EPCAM: variants seen among roughly 807,000 people sequenced by gnomAD.
EPCAM encodes adenocarcinoma-associated antigen.
EPCAM carries 39 observed loss-of-function variants against 40.0 expected under a neutral mutation model. That is an observed-to-expected ratio of 0.98 (90% CI 0.76 to 1.27). The LOEUF is 1.27. Ranked by LOEUF, EPCAM falls within the 50% of genes most tolerant of loss-of-function variation. EPCAM has a pLI of 0.00. For missense variants in EPCAM, 503 were observed against 381.2 expected (o/e 1.32, Z -2.66); for synonymous variants, 168 against 132.3 (o/e 1.27, Z -1.85).
Position 47,373,815 on chromosome 2 carries a change from C to T in EPCAM, c.192C>T (p.Ala64=). 1 of 1,613,882 alleles carries T rather than the reference C, an allele frequency of 6.2e-7. No homozygotes were observed. The highest frequency in any genetic ancestry group is 1.1e-5 in the South Asian group (1 of 91,076). Residue 64 remains alanine, a synonymous_variant, in exon 3 of 9, where the codon GCC becomes GCT. Transcript: ENST00000263735. The part of the protein sequence containing the change: ...QNTVICSKLA[A]KCLVMKAEMN... ...TTAAGGTTTCTTTTTCAGTGGCTGC[C>T]AAATGTTTGGTGATGAAGGCAGAAA...
Position 47,379,657 on chromosome 2 carries a change from C to T in EPCAM, c.658-112C>T, listed in dbSNP as rs182423282. The T allele has an allele frequency of 3.9e-5, 48 of 1,231,694 alleles. No individual in the cohort carries two copies. In the East Asian group the frequency reaches 1.0e-3, roughly 27 times the overall value. 76.3% of individuals were successfully genotyped at this position (1,231,694 alleles called of 1,614,324 possible). A position where few individuals can be genotyped will look rare whatever the true frequency, so the allele number is the denominator to read the frequency against. On this transcript the variant is annotated intron_variant, in intron 6 of 8. Coordinates refer to ENST00000263735, the MANE Select transcript of EPCAM (RefSeq NM_002354.3). The stretch of plus-strand genomic sequence containing the variant: ...ATAAATTAGATTGTTATCACTAAAA[C>T]CATAAAGATTCTTGGCAGCGGTTCT...
chr2:47,377,476 A>G (rs1216360634), intron 5 of EPCAM, among the ~76,000 whole-genome samples: 1 of 151,878 alleles, frequency 6.6e-6, no homozygotes, highest in Non-Finnish European at 1.5e-5. Context: ...GCCTCAAGTG[A>G]TCTGTCTGCC....
chr2:47,382,172 G>A (rs1338007851), intron 7 of EPCAM, among the ~76,000 whole-genome samples: 2 of 151,876 alleles, frequency 1.3e-5, no homozygotes, highest in African/African-American at 4.8e-5. Context: ...GGCGCATAAA[G>A]CAAAAATGGA....
intron 1 of EPCAM, among the ~76,000 whole-genome samples, chr2:47,371,508 A>C (rs1404915935): frequency 6.6e-6 from 1 of 152,250 alleles, no homozygotes; most frequent in Admixed American, 6.5e-5. Flanking sequence ...CACTTTCACC[A>C]ATGGAGTGGC....
rs528990991 is a variant in EPCAM at position 47,381,320 on chromosome 2, C to G, written c.858+1351C>G. Among the ~76,000 whole-genome samples the G allele has an allele frequency of 1.5e-3, 215 of 143,514 alleles. No individual in the cohort carries two copies. In the Middle Eastern group the frequency reaches 0.046, roughly 31 times the overall value. 94.2% of individuals were successfully genotyped at this position (143,514 alleles called of 152,430 possible). On this transcript the variant is annotated intron_variant, in intron 7 of 8. Coordinates refer to ENST00000263735, the MANE Select transcript of EPCAM (RefSeq NM_002354.3). ...CTGAGGCAGGAGAATCACTTGAACC[C>G]AGGAGGTGGAGGTTGCAGCTGAGAT...
chr2:47,385,740 T>C (rs1671729778), intron 8 of EPCAM, among the ~76,000 whole-genome samples: 1 of 152,226 alleles, frequency 6.6e-6, no homozygotes, highest in Admixed American at 6.6e-5. Flanking sequence ...TTTTTGTGTG[T>C]CTTTGTAGTT....
At chr2:47,377,216 A>G in intron 5 of EPCAM, 139 bp downstream of exon 5, 1 of 717,282 alleles carries the variant, frequency 1.4e-6, no homozygotes, top group Non-Finnish European at 2.5e-6. Context: ...CTTAATGTGA[A>G]TTTCCTGTTA....
At chr2:47,380,582 A>G (rs1232584580) in intron 7 of EPCAM, among the ~76,000 whole-genome samples, 1 of 152,176 alleles carries the variant, frequency 6.6e-6, no homozygotes, top group Non-Finnish European at 1.5e-5. Flanking sequence ...CCTAGTGCAA[A>G]ATACCTGAAC....
At chr2:47,371,561 C>G (rs1335552479) in intron 1 of EPCAM, among the ~76,000 whole-genome samples, 3 of 152,172 alleles carry the variant, frequency 2.0e-5, no homozygotes, top group East Asian at 3.8e-4. Flanking sequence ...CAGTTTTAGT[C>G]AACTCATGTT....
chr2:47,376,973 A>G (rs1361640887), intron 4 of EPCAM, 41 bp from the exon 5 acceptor site: 1 of 1,354,944 alleles, frequency 7.4e-7, no homozygotes, highest in Admixed American at 1.7e-5. Context: ...GTTGTGTGGT[A>G]CAAACATTTT....
chr2:47,374,649 C>CTT (rs951082789), intron 3 of EPCAM, among the ~76,000 whole-genome samples: 3 of 150,298 alleles, frequency 2.0e-5, no homozygotes, highest in Non-Finnish European at 4.4e-5. Flanking sequence ...CTTTTCTTTT[C>CTT]TTTTTTTTTC....
intron 1 of EPCAM, among the ~76,000 whole-genome samples, chr2:47,371,923 GC>G (rs1012282631): frequency 6.6e-6 from 1 of 152,152 alleles, no homozygotes; most frequent in African/African-American, 2.4e-5. Flanking sequence ...TGTCATGCTA[GC>G]TTTTTCTTTT....
chr2:47,384,295 G>T (rs1671677204), intron 7 of EPCAM, among the ~76,000 whole-genome samples: 1 of 151,890 alleles, frequency 6.6e-6, no homozygotes, highest in South Asian at 2.1e-4. Context: ...GTAGAGATGA[G>T]GTTTCACAAT....
At position 47,379,911 on chromosome 2, in the gene EPCAM, G is replaced by A. The variant is rs763475158; in HGVS notation, c.800G>A (p.Gly267Asp). Residue 267 changes from glycine to aspartate, a missense_variant, in exon 7 of 9, where the codon GGT becomes GAT. By Grantham distance (94) the Gly-to-Asp change is moderately conservative. Coordinates refer to ENST00000263735, the MANE Select transcript of EPCAM (RefSeq NM_002354.3). The part of the protein sequence containing the change: ...PEFSMQGLKA[G>D]VIAVIVVVVI... Reference sequence around the variant, plus strand: ...TTCTCAATGCAGGGTCTAAAAGCTGGTGTTATTGCTGTTATTGTGGTTGTG... The same window carrying A: ...TTCTCAATGCAGGGTCTAAAAGCTGATGTTATTGCTGTTATTGTGGTTGTG... The A allele has an allele frequency of 3.1e-6, 5 of 1,614,112 alleles. No individual in the cohort carries two copies. The highest frequency in any genetic ancestry group is 4.2e-6 in the Non-Finnish European group (5 of 1,180,026).
chr2:47,380,031 G>A (rs2103759743), intron 7 of EPCAM, 62 bp downstream of exon 7: 1 of 1,552,050 alleles, frequency 6.4e-7, no homozygotes, highest in Non-Finnish European at 8.7e-7. Flanking sequence ...AAGTAATAGT[G>A]GCTGGGCGCG....
Position 47,369,328 on chromosome 2 carries a change from C to T in EPCAM, c.-178C>T, listed in dbSNP as rs1051432084. On this transcript the variant is annotated 5_prime_UTR_variant, in exon 1 of 9. Coordinates refer to ENST00000263735, the MANE Select transcript of EPCAM (RefSeq NM_002354.3). ...CCGCGCGCACAGAGCGCTAGTCCTTCGGCGAGCGAGCACCTTCGACGCGGT... is the reference window on the plus strand; with the variant it reads ...CCGCGCGCACAGAGCGCTAGTCCTTTGGCGAGCGAGCACCTTCGACGCGGT... The T allele has an allele frequency of 3.8e-6, 5 of 1,327,042 alleles. No individual in the cohort carries two copies. Among genetic ancestry groups the T allele is most frequent in the Non-Finnish European group, 4.9e-6 (5 of 1,018,186 alleles). 82.2% of individuals were successfully genotyped at this position (1,327,042 alleles called of 1,614,324 possible). A position where few individuals can be genotyped will look rare whatever the true frequency, so the allele number is the denominator to read the frequency against.
At chr2:47,376,580 A>T (rs1343573875) in intron 4 of EPCAM, among the ~76,000 whole-genome samples, 1 of 152,178 alleles carries the variant, frequency 6.6e-6, no homozygotes, top group Non-Finnish European at 1.5e-5. Context: ...CCTCTTAACT[A>T]AAAGCAGGTT....
Position 47,378,807 on chromosome 2 carries a change from T to A in EPCAM, c.556-146T>A, listed in dbSNP as rs1671497055. On this transcript the variant is annotated intron_variant, in intron 5 of 8. Transcript: ENST00000263735. ...AAAGATTTCTTGATTAGTGATAAAC[T>A]TAGTTATCCACTAATGGAAAGGAAC... is the stretch of plus-strand genomic sequence containing the variant. 8.4e-6 allele frequency: 5 copies of A among 593,494 alleles called. No individual in the cohort carries two copies. The Admixed American group carries it at 1.4e-4, about 17-fold the overall frequency. The allele number at this position is 593,494 out of a possible 1,614,324, so 36.8% of individuals were successfully genotyped here.
At position 47,369,483 on chromosome 2, in the gene EPCAM, CCT is replaced by C. The variant is rs779020022; in HGVS notation, c.-20_-19del. 138 of 1,518,862 alleles carry C rather than the reference CCT, an allele frequency of 9.1e-5. No homozygotes were observed. Among genetic ancestry groups the C allele is most frequent in the Non-Finnish European group, 1.2e-4 (137 of 1,137,890 alleles). The allele number at this position is 1,518,862 out of a possible 1,614,324, so 94.1% of individuals were successfully genotyped here. A position where few individuals can be genotyped will look rare whatever the true frequency, so the allele number is the denominator to read the frequency against. ...GCGAGTCCCGGGCCCCTCCCGCGCC[CCT>C]CTTCTCGGCGCGCGCGCAGCATGGC... is the stretch of plus-strand genomic sequence containing the variant. On this transcript the variant is annotated 5_prime_UTR_variant, in exon 1 of 9. Transcript: ENST00000263735.
Sources: allele counts gnomAD v4.1 joint callset (sites outside exome capture counted in the v4.1 genomes callset), GRCh38; gene constraint gnomAD v4.1.1; transcripts MANE v1.5; gene names NCBI Gene and HGNC (gene_info 2026-07-23, HGNC 2026-07-21).